TM9SF2: variants seen among roughly 807,000 people sequenced by gnomAD.
The protein encoded by TM9SF2 is transmembrane 9 superfamily member 2.
In TM9SF2, 13 loss-of-function variants were observed where a neutral mutation model predicts 84.9. That is an observed-to-expected ratio of 0.15 (90% CI 0.10 to 0.24). The LOEUF is 0.24. TM9SF2 is among the 10% of genes least tolerant of loss of function. The pLI, the probability that TM9SF2 is intolerant of heterozygous loss-of-function variation, is 1.00. For synonymous variants in TM9SF2, 273 were observed against 285.8 expected, an observed-to-expected ratio of 0.96 and a Z score of 0.45; for missense variants, 562 against 818.5, an observed-to-expected ratio of 0.69 and a Z score of 3.82.
At chr13:99,511,613 A>T (rs942628738) in intron 1 of TM9SF2, among the ~76,000 whole-genome samples, 4 of 152,216 alleles carry the variant, frequency 2.6e-5, no homozygotes, top group Non-Finnish European at 4.4e-5. Flanking sequence ...CATGTGTGAG[A>T]TGGTAATTCT....
chr13:99,536,682 C>G lies in TM9SF2; in HGVS notation c.536C>G (p.Pro179Arg). 1.2e-6 allele frequency: 2 copies of G among 1,613,654 alleles called. No individual in the cohort carries two copies. The highest frequency in any genetic ancestry group is 1.7e-6 in the Non-Finnish European group (2 of 1,179,736). ...DGQRFCNPGF[P>R]IGCYITDKGH... is the part of the protein sequence containing the mutation. ...CAGAGGTTCTGTAATCCTGGATTTC[C>G]TATTGGCTGTTACATTACAGATAAA... Residue 179 changes from proline (P) to arginine (R), a missense_variant, in exon 5 of 17, where the codon CCT becomes CGT. This residue lies in a region of TM9SF2 where 267 missense variants were observed against 316.7 expected (regional missense o/e 0.84). Coordinates refer to ENST00000376387, the MANE Select transcript of TM9SF2 (RefSeq NM_004800.3).
chr13:99,547,798 A>G (rs2046289070), intron 11 of TM9SF2, among the ~76,000 whole-genome samples: 1 of 152,170 alleles, frequency 6.6e-6, no homozygotes, highest in Non-Finnish European at 1.5e-5. Context: ...CTCGTCTGGG[A>G]TATACAGTGA....
chr13:99,528,362 G>A (rs943357247), intron 3 of TM9SF2, among the ~76,000 whole-genome samples: 14 of 152,290 alleles, frequency 9.2e-5, no homozygotes, highest in Admixed American at 4.6e-4. Flanking sequence ...AGGGTTGTTT[G>A]GAGGATTACA....
chr13:99,523,750 TC>T (rs2139082631), intron 3 of TM9SF2, among the ~76,000 whole-genome samples: 1 of 152,322 alleles, frequency 6.6e-6, no homozygotes, highest in East Asian at 1.9e-4. Context: ...TCCTCATGGA[TC>T]TTTTATGCTG....
chr13:99,505,073 T>C (rs894490521), intron 1 of TM9SF2, among the ~76,000 whole-genome samples: 3 of 152,192 alleles, frequency 2.0e-5, no homozygotes, highest in African/African-American at 7.2e-5. Context: ...TGATTTCCTT[T>C]AACTAAATAA....
intron 3 of TM9SF2, among the ~76,000 whole-genome samples, chr13:99,527,960 T>G (rs945486014): frequency 6.6e-6 from 1 of 152,208 alleles, no homozygotes; most frequent in African/African-American, 2.4e-5. Context: ...GGTCTGACTC[T>G]AGATTGATAT....
At chr13:99,555,991 A>T (rs2046323296) in intron 15 of TM9SF2, among the ~76,000 whole-genome samples, 1 of 152,044 alleles carries the variant, frequency 6.6e-6, no homozygotes, top group South Asian at 2.1e-4. Context: ...ATAATCTATT[A>T]AAAAATACAA....
intron 1 of TM9SF2, among the ~76,000 whole-genome samples, chr13:99,503,709 C>CAAAA (rs386380419): frequency 9.8e-4 from 77 of 78,318 alleles, no homozygotes; most frequent in African/African-American, 1.3e-3. Context: ...GACTTTGTCT[C>CAAAA]AAAAAAAAAA....
At position 99,536,725 on chromosome 13, in the gene TM9SF2, C is replaced by G; in HGVS notation, c.579C>G (p.Ala193=). Residue 193 remains alanine (A), a synonymous_variant, in exon 5 of 17, where the codon GCC becomes GCG. Coordinates refer to ENST00000376387, the MANE Select transcript of TM9SF2 (RefSeq NM_004800.3). ...CAGATAAAGGCCATGCAAAAGATGC[C>G]TGTGTTATTAGTGTAAGTTCATGAT... The part of the protein sequence containing the change: ...YITDKGHAKD[A]CVISSDFHER... 5 of 1,613,368 alleles carry G rather than the reference C, an allele frequency of 3.1e-6. No homozygotes were observed. The highest frequency in any genetic ancestry group is 3.4e-6 in the Non-Finnish European group (4 of 1,179,592).
At chr13:99,501,876 G>A in intron 1 of TM9SF2, 99 bp downstream of exon 1, 3 of 1,482,510 alleles carry the variant, frequency 2.0e-6, no homozygotes, top group East Asian at 2.5e-5. Flanking sequence ...GGAAGGGGGC[G>A]TAGCAGCGGG....
intron 1 of TM9SF2, 146 bp from the exon 2 acceptor site, chr13:99,517,468 T>C (rs1389162247): frequency 1.9e-6 from 1 of 523,944 alleles, no homozygotes; most frequent in Non-Finnish European, 3.3e-6. Context: ...AGTCAGTGAA[T>C]GGATTTGTAA....
At chr13:99,538,143 G>A (rs1436811495) in intron 6 of TM9SF2, among the ~76,000 whole-genome samples, 1 of 152,170 alleles carries the variant, frequency 6.6e-6, no homozygotes, top group Non-Finnish European at 1.5e-5. Flanking sequence ...GGAGGGAGAA[G>A]TTGAGTGGTT....
chr13:99,502,121 G>T (rs1464294169), intron 1 of TM9SF2, among the ~76,000 whole-genome samples: 2 of 152,326 alleles, frequency 1.3e-5, no homozygotes, highest in African/African-American at 4.8e-5. Context: ...ATGTATGCAG[G>T]TCCACGCGTG....
chr13:99,508,511 C>T (rs1167985452), intron 1 of TM9SF2, among the ~76,000 whole-genome samples: 1 of 150,130 alleles, frequency 6.7e-6, no homozygotes, highest in Non-Finnish European at 1.5e-5. Flanking sequence ...TTAATATATG[C>T]TGTATTAGGC....
Position 99,558,035 on chromosome 13 carries a change from A to C in TM9SF2, c.1753-1328A>C, listed in dbSNP as rs148739683. ...ATGTAGTGTCCAGCTACATTATTTG[A>C]CGTGTGGATATCCAGTTATCCAGCA... On this transcript the variant is annotated intron_variant, in intron 15 of 16. Transcript: ENST00000376387. Among the ~76,000 whole-genome samples, 373 of 152,346 alleles carry C rather than the reference A, an allele frequency of 2.4e-3. 1 individual carries two copies. Among genetic ancestry groups the C allele is most frequent in the South Asian group, 5.4e-3 (26 of 4,828 alleles).
intron 2 of TM9SF2, 83 bp downstream of exon 2, chr13:99,517,764 G>A (rs1396041407): frequency 3.5e-6 from 3 of 868,754 alleles, no homozygotes; most frequent in Admixed American, 3.0e-5. Context: ...TTTTCTCACA[G>A]TTATGGACAA....
chr13:99,523,814 G>A (rs2046170500), intron 3 of TM9SF2, among the ~76,000 whole-genome samples: 1 of 152,160 alleles, frequency 6.6e-6, no homozygotes, highest in Admixed American at 6.5e-5. Flanking sequence ...CAATTACTGA[G>A]GAAAGAACTA....
At chr13:99,535,358 C>T (rs188985755) in intron 4 of TM9SF2, among the ~76,000 whole-genome samples, 41 of 152,210 alleles carry the variant, frequency 2.7e-4, no homozygotes, top group Non-Finnish European at 5.1e-4. Context: ...ACTTTCCCTC[C>T]AGTATGGTAG....
Position 99,547,037 on chromosome 13 carries a change from G to A in TM9SF2, c.1203G>A (p.Thr401=), listed in dbSNP as rs34326229. The change falls in exon 11 of 17, where the codon ACG becomes ACA. Residue 401 remains threonine, a synonymous_variant. Transcript: ENST00000376387. ...LSPANRGALM[T]CAVVLWVLLG... ...CTGCCAACCGAGGAGCGCTGATGAC[G>A]TGTGCTGTGGTCCTGTGGGTGCTGC... 8,969 of 1,614,188 alleles carry A rather than the reference G, an allele frequency of 5.6e-3. 37 individuals are homozygous for A. The highest frequency in any genetic ancestry group is 7.0e-3 in the Non-Finnish European group (8,224 of 1,180,030).
Sources: allele counts gnomAD v4.1 joint callset (sites outside exome capture counted in the v4.1 genomes callset), GRCh38; gene constraint gnomAD v4.1.1; regional missense constraint gnomAD v4.1.1; transcripts MANE v1.5; gene names NCBI Gene and HGNC (gene_info 2026-07-23, HGNC 2026-07-21).